Variants in HMGCLL1 observed in about 807,000 individuals in gnomAD.
HMGCLL1 encodes 3-hydroxymethyl-3-methylglutaryl-CoA lyase, cytoplasmic.
In HMGCLL1, 36 loss-of-function variants were observed where a neutral mutation model predicts 39.1. The ratio of observed to expected loss-of-function variants is 0.92; its 90% CI spans 0.71 to 1.22. The LOEUF (loss-of-function observed/expected upper bound fraction) is 1.22, where lower values mean the gene tolerates loss of function less well. Ranked by LOEUF, HMGCLL1 falls within the 50% of genes most tolerant of loss-of-function variation. HMGCLL1 has a pLI of 0.00. For synonymous variants in HMGCLL1, 149 were observed against 144.0 expected (o/e 1.03, Z -0.25); for missense variants, 451 against 416.5 (o/e 1.08, Z -0.72).
intron 3 of HMGCLL1, among the ~76,000 whole-genome samples, chr6:55,526,631 T>G (rs1383468466): frequency 6.6e-6 from 1 of 152,088 alleles, no homozygotes; most frequent in Admixed American, 6.6e-5. Flanking sequence ...TTCCCACTAA[T>G]TCTTCTACTA....
chr6:55,550,010 A>T (rs1318941287), intron 1 of HMGCLL1, among the ~76,000 whole-genome samples: 1 of 152,002 alleles, frequency 6.6e-6, no homozygotes, highest in Non-Finnish European at 1.5e-5. Flanking sequence ...CAAAAATAAA[A>T]ATGAGCATTT....
the HMGCLL1 span, among the ~76,000 whole-genome samples, chr6:55,663,517 A>G: frequency 6.6e-6 from 1 of 151,386 alleles, no homozygotes; most frequent in East Asian, 2.0e-4. Context: ...TTTAGTATTG[A>G]TTTCTGTTTT....
At chr6:55,666,241 C>G in the HMGCLL1 span, among the ~76,000 whole-genome samples, 3 of 151,698 alleles carry the variant, frequency 2.0e-5, no homozygotes, top group Admixed American at 2.0e-4. Context: ...ATAAATAGGG[C>G]CTAGAAACAG....
intron 5 of HMGCLL1, among the ~76,000 whole-genome samples, chr6:55,508,360 C>A (rs80097539): frequency 2.6e-5 from 4 of 151,676 alleles, no homozygotes; most frequent in African/African-American, 4.8e-5. Flanking sequence ...ATTTTTGATT[C>A]AATTTTGAAT....
At chr6:55,570,936 G>A (rs6917049) in intron 1 of HMGCLL1, among the ~76,000 whole-genome samples, 47,500 of 152,110 alleles carry the variant, frequency 0.31, 8,409 homozygotes, top group Middle Eastern at 0.49. Context: ...GGCGGCAGGC[G>A]AGAGAGAATG....
intron 7 of HMGCLL1, among the ~76,000 whole-genome samples, chr6:55,478,088 T>G (rs1185294545): frequency 1.3e-4 from 4 of 30,664 alleles, no homozygotes; most frequent in South Asian, 1.4e-3. Context: ...TGAGGTTCTG[T>G]TTTTTTTTTT....
At chr6:55,586,213 G>A in the HMGCLL1 span, among the ~76,000 whole-genome samples, 24 of 152,088 alleles carry the variant, frequency 1.6e-4, no homozygotes, top group African/African-American at 5.3e-4. Context: ...AATCATAGAA[G>A]TAAAGGCAGT....
At chr6:55,598,081 C>G in the HMGCLL1 span, among the ~76,000 whole-genome samples, 1 of 152,000 alleles carries the variant, frequency 6.6e-6, no homozygotes, top group Admixed American at 6.6e-5. Context: ...AATCATAGCT[C>G]AAGTCATATA....
At chr6:55,482,552 A>T (rs958842656) in intron 7 of HMGCLL1, among the ~76,000 whole-genome samples, 1 of 152,174 alleles carries the variant, frequency 6.6e-6, no homozygotes, top group African/African-American at 2.4e-5. Context: ...AAAAATAAAT[A>T]ACATTTTCTT....
the HMGCLL1 span, among the ~76,000 whole-genome samples, chr6:55,654,546 A>G: frequency 5.9e-5 from 9 of 151,876 alleles, no homozygotes; most frequent in Non-Finnish European, 1.3e-4. Context: ...CTTCCTGGCA[A>G]TTAAAAGTTC....
chr6:55,459,449 A>G (rs1764464765), intron 7 of HMGCLL1, among the ~76,000 whole-genome samples: 1 of 152,002 alleles, frequency 6.6e-6, no homozygotes, highest in Non-Finnish European at 1.5e-5. Flanking sequence ...CTATGAGCAG[A>G]GAGTGAGGCA....
At chr6:55,635,236 C>T in the HMGCLL1 span, among the ~76,000 whole-genome samples, 8 of 152,052 alleles carry the variant, frequency 5.3e-5, no homozygotes, top group Non-Finnish European at 1.2e-4. Context: ...AAGCTTATCT[C>T]TCTGTCCATA....
chr6:55,543,568 A>T (rs111747533), intron 1 of HMGCLL1, among the ~76,000 whole-genome samples: 50,075 of 126,880 alleles, frequency 0.39, 11,082 homozygotes, highest in East Asian at 0.53. Flanking sequence ...ATATATTTTT[A>T]TATATATTTA....
chr6:55,672,239 C>T, the HMGCLL1 span, among the ~76,000 whole-genome samples: 4 of 151,738 alleles, frequency 2.6e-5, no homozygotes, highest in Non-Finnish European at 1.5e-5. Flanking sequence ...AACTAATCTA[C>T]TTTATTACCC....
the HMGCLL1 span, among the ~76,000 whole-genome samples, chr6:55,595,220 C>G: frequency 6.6e-6 from 1 of 152,174 alleles, no homozygotes; most frequent in South Asian, 2.1e-4. Flanking sequence ...AGACTATGTA[C>G]AGAGACAACA....
At chr6:55,672,274 T>C in the HMGCLL1 span, among the ~76,000 whole-genome samples, 1 of 151,866 alleles carries the variant, frequency 6.6e-6, no homozygotes, top group Non-Finnish European at 1.5e-5. Flanking sequence ...TTGCTTAAAA[T>C]GTTGTCTGCA....
rs140275770 is a variant in HMGCLL1 at position 55,467,715 on chromosome 6, T to C, written c.795+27704A>G. ...ATGGAGTGTTTCTGTTGAAACTATA[T>C]CTTGACAGTATTGAATCATTCCCTG... On this transcript the variant is annotated intron_variant, in intron 7 of 8. Transcript: ENST00000274901. Among the ~76,000 whole-genome samples, 508 of 152,182 alleles carry C rather than the reference T, an allele frequency of 3.3e-3. 2 individuals carry two copies. The highest frequency in any genetic ancestry group is 0.012 in the African/African-American group (482 of 41,556).
At chr6:55,518,485 T>C (rs1767865338) in intron 3 of HMGCLL1, among the ~76,000 whole-genome samples, 1 of 152,152 alleles carries the variant, frequency 6.6e-6, no homozygotes, top group South Asian at 2.1e-4. Context: ...TATTTACTCT[T>C]TTCCTTGAAG....
At chr6:55,561,338 C>A (rs1353657194) in intron 1 of HMGCLL1, among the ~76,000 whole-genome samples, 1 of 152,084 alleles carries the variant, frequency 6.6e-6, no homozygotes, top group Non-Finnish European at 1.5e-5. Flanking sequence ...AAGGGCCCTA[C>A]AAGTAAAACT....
Sources: gnomAD v4.1 joint callset for allele counts (sites outside exome capture counted in the v4.1 genomes callset) on GRCh38, gnomAD v4.1.1 for gene constraint, MANE v1.5 for transcripts, NCBI Gene and HGNC (gene_info 2026-07-23, HGNC 2026-07-21) for gene names.